PLCB1: variants seen among roughly 807,000 people sequenced by gnomAD.
The protein encoded by PLCB1 is phospholipase C beta 1, also known as 1-phosphatidylinositol 4,5-bisphosphate phosphodiesterase beta-1.
PLCB1 carries 46 observed loss-of-function variants against 161.8 expected under a neutral mutation model. The ratio of observed to expected loss-of-function variants is 0.28; its 90% CI spans 0.22 to 0.36. The LOEUF (loss-of-function observed/expected upper bound fraction) is 0.36, where lower values mean the gene tolerates loss of function less well. PLCB1 is among the 10% of genes least tolerant of loss of function. The probability of loss-of-function intolerance (pLI) is 1.00; values close to 1 mark genes in which losing one functional copy is unlikely to be tolerated. For missense variants in PLCB1, 1,016 were observed against 1,472.5 expected, an observed-to-expected ratio of 0.69 and a Z score of 5.07; for synonymous variants, 517 against 503.7, an observed-to-expected ratio of 1.03 and a Z score of -0.35.
chr20:8,701,870 G>T (rs1023989360), intron 11 of PLCB1, among the ~76,000 whole-genome samples: 2 of 152,190 alleles, frequency 1.3e-5, no homozygotes, highest in Non-Finnish European at 2.9e-5. Context: ...GTTGGTAGAG[G>T]CAGGGAAAAC....
intron 31 of PLCB1, among the ~76,000 whole-genome samples, chr20:8,846,657 A>C (rs1986701120): frequency 6.6e-6 from 1 of 152,188 alleles, no homozygotes; most frequent in South Asian, 2.1e-4. Context: ...CCAAATCATG[A>C]CAGAAGCTGT....
chr20:8,853,072 T>C (rs1224257353), intron 31 of PLCB1, among the ~76,000 whole-genome samples: 1 of 151,944 alleles, frequency 6.6e-6, no homozygotes, highest in Non-Finnish European at 1.5e-5. Flanking sequence ...ACAGATGATA[T>C]GAAAACATGT....
intron 31 of PLCB1, among the ~76,000 whole-genome samples, chr20:8,818,702 A>G (rs992825536): frequency 1.3e-5 from 2 of 152,340 alleles, no homozygotes; most frequent in Admixed American, 6.5e-5. Flanking sequence ...AAGGTCTATT[A>G]TAACATGCTT....
intron 3 of PLCB1, among the ~76,000 whole-genome samples, chr20:8,391,414 A>G (rs1987581653): frequency 6.6e-6 from 1 of 152,080 alleles, no homozygotes; most frequent in African/African-American, 2.4e-5. Context: ...CATCAAAATA[A>G]TTTTAGAGCA....
intron 3 of PLCB1, among the ~76,000 whole-genome samples, chr20:8,612,943 A>G (rs540977150): frequency 6.6e-6 from 1 of 152,272 alleles, no homozygotes; most frequent in South Asian, 2.1e-4. Context: ...TGTTACCCTT[A>G]GACATGGCCC....
intron 2 of PLCB1, among the ~76,000 whole-genome samples, chr20:8,321,504 C>T (rs754652490): frequency 6.6e-6 from 1 of 151,982 alleles, no homozygotes; most frequent in Non-Finnish European, 1.5e-5. Context: ...ATTAGGAGAA[C>T]CTTTGAAGAC....
In PLCB1 at chr20:8,165,593, G is replaced by A. The variant is rs112427502; in HGVS notation, c.177+15222G>A. 1.4e-3 allele frequency among the ~76,000 whole-genome samples: 206 copies of A among 152,144 alleles called. 1 individual carries two copies. Among genetic ancestry groups the A allele is most frequent in the African/African-American group, 4.5e-3 (187 of 41,510 alleles). ...AGTGGATGATGAAGGCCTTGAATTC[G>A]GGGACTTTACCTCATTTGTTTGGCA... On this transcript the variant is annotated intron_variant, in intron 2 of 31. Transcript: ENST00000338037.
intron 3 of PLCB1, among the ~76,000 whole-genome samples, chr20:8,500,603 T>C (rs1983365146): frequency 6.6e-6 from 1 of 152,240 alleles, no homozygotes; most frequent in African/African-American, 2.4e-5. Flanking sequence ...ATCAGTGCCA[T>C]ACCTGAGAGT....
chr20:8,548,850 TGA>T (rs1409774154), intron 3 of PLCB1, among the ~76,000 whole-genome samples: 1 of 152,238 alleles, frequency 6.6e-6, no homozygotes, highest in African/African-American at 2.4e-5. Flanking sequence ...AGTGCTTTAC[TGA>T]GCTCTGAATG....
At chr20:8,359,851 A>G (rs1446405173) in intron 2 of PLCB1, among the ~76,000 whole-genome samples, 1 of 152,242 alleles carries the variant, frequency 6.6e-6, no homozygotes, top group Non-Finnish European at 1.5e-5. Context: ...AGTAAGTAAT[A>G]TAAAAATATG....
intron 6 of PLCB1, 82 bp downstream of exon 6, chr20:8,648,035 C>T (rs572823795): frequency 2.9e-6 from 3 of 1,042,760 alleles, no homozygotes; most frequent in South Asian, 3.2e-5. Context: ...TTTTGTTTCT[C>T]CAGCAGCCTA....
intron 3 of PLCB1, among the ~76,000 whole-genome samples, chr20:8,543,972 T>C (rs1985438792): frequency 6.6e-6 from 1 of 152,194 alleles, no homozygotes; most frequent in Admixed American, 6.5e-5. Context: ...GTATTCTTCA[T>C]AGCAGTGTGA....
chr20:8,301,331 A>G (rs1179307502), intron 2 of PLCB1, among the ~76,000 whole-genome samples: 1 of 152,190 alleles, frequency 6.6e-6, no homozygotes, highest in Non-Finnish European at 1.5e-5. Context: ...TTAATAGTCA[A>G]ATCATTTGCT....
intron 2 of PLCB1, among the ~76,000 whole-genome samples, chr20:8,219,640 G>C (rs1979306139): frequency 6.6e-6 from 1 of 152,096 alleles, no homozygotes. Context: ...CTTTCTGATA[G>C]AGAGTAGTCA....
chr20:8,782,188 AC>A (rs1310176741), intron 27 of PLCB1, among the ~76,000 whole-genome samples: 1 of 152,184 alleles, frequency 6.6e-6, no homozygotes, highest in African/African-American at 2.4e-5. Flanking sequence ...AAGATGCTTG[AC>A]TTTTTTGTCC....
intron 3 of PLCB1, among the ~76,000 whole-genome samples, chr20:8,574,068 C>A (rs1290944179): frequency 1.3e-5 from 2 of 152,116 alleles, no homozygotes; most frequent in Non-Finnish European, 2.9e-5. Flanking sequence ...GTTTACACAG[C>A]AAAAGAGAAG....
chr20:8,274,511 C>T (rs1387017748), intron 2 of PLCB1, among the ~76,000 whole-genome samples: 3 of 148,834 alleles, frequency 2.0e-5, no homozygotes, highest in Non-Finnish European at 3.0e-5. Context: ...ATCTCTAAAA[C>T]ATTCATGGTG....
chr20:8,678,684 A>G lies in PLCB1; in HGVS notation c.863-6248A>G, dbSNP rs1165295973. On this transcript the variant is annotated intron_variant, in intron 9 of 31. Transcript: ENST00000338037. Reference sequence around the variant, plus strand: ...CCCTTGGTGACTCCACACACTGGAGACATTCAGCCCCTCCCTACTCCTTCC... The same window carrying G: ...CCCTTGGTGACTCCACACACTGGAGGCATTCAGCCCCTCCCTACTCCTTCC... Among the ~76,000 whole-genome samples, 5 of 152,160 alleles carry G rather than the reference A, an allele frequency of 3.3e-5. No homozygotes were observed. The East Asian group carries it at 7.7e-4, about 23-fold the overall frequency.
At chr20:8,836,238 G>A (rs977343987) in intron 31 of PLCB1, among the ~76,000 whole-genome samples, 3 of 152,164 alleles carry the variant, frequency 2.0e-5, no homozygotes, top group African/African-American at 7.2e-5. Context: ...GATTCAAGTG[G>A]GAAAGAAGTA....
Sources: gnomAD v4.1 joint callset for allele counts (sites outside exome capture counted in the v4.1 genomes callset) on GRCh38, gnomAD v4.1.1 for gene constraint, MANE v1.5 for transcripts, NCBI Gene and HGNC (gene_info 2026-07-23, HGNC 2026-07-21) for gene names.